PIAS1: variants seen among roughly 807,000 people sequenced by gnomAD.
PIAS1 encodes the protein protein inhibitor of activated STAT 1.
Under a neutral mutation model 71.3 loss-of-function variants are expected in PIAS1, and 6 were observed. The observed-to-expected ratio is 0.08, with a 90% CI of 0.05 to 0.17. The LOEUF is 0.17. PIAS1 is among the 10% of genes least tolerant of loss of function. PIAS1 has a pLI of 1.00. For missense variants in PIAS1, 555 were observed against 793.6 expected (o/e 0.70, Z 3.61); for synonymous variants, 303 against 292.9 (o/e 1.03, Z -0.35).
intron 7 of PIAS1, among the ~76,000 whole-genome samples, chr15:68,160,975 G>T (rs1385992302): frequency 6.6e-6 from 1 of 152,050 alleles, no homozygotes; most frequent in Non-Finnish European, 1.5e-5. Context: ...TTTTAAAAAA[G>T]AAACCAACAC....
In PIAS1 at chr15:68,187,925, GT is replaced by G; in HGVS notation, c.*93del. The G allele has an allele frequency of 2.5e-6, 3 of 1,181,890 alleles. No homozygotes were observed. The highest frequency in any genetic ancestry group is 3.6e-6 in the Non-Finnish European group (3 of 843,854). The allele number at this position is 1,181,890 out of a possible 1,614,324, so 73.2% of individuals were successfully genotyped here. ...TTTGTGCTCTGTTTTACCTTACTCT[GT>G]TTAGAAAAGTATACAAGCGTGTTTT... On this transcript the variant is annotated 3_prime_UTR_variant, in exon 14 of 14. Transcript: ENST00000249636. This position sits in a 1 kb window ranked among gnomAD's most constrained non-coding sequence, Gnocchi z 5.3.
At chr15:68,074,805 A>T (rs1384247955) in intron 1 of PIAS1, among the ~76,000 whole-genome samples, 2 of 151,526 alleles carry the variant, frequency 1.3e-5, no homozygotes, top group East Asian at 3.9e-4. Context: ...TTGTGCTTTT[A>T]AAAAAATTGC....
At position 68,185,893 on chromosome 15, in the gene PIAS1, C is replaced by T. The variant is rs753935421; in HGVS notation, c.1663-1649C>T. ...AGAAGAATCACTTGAACCTGGGAGG[C>T]GGAGGTTGCAGTGAGCCGAGATTGC... On this transcript the variant is annotated intron_variant, in intron 13 of 13. Transcript: ENST00000249636. This position sits in a 1 kb window ranked among gnomAD's most constrained non-coding sequence, Gnocchi z 4.4. Among the ~76,000 whole-genome samples, 7 of 151,934 alleles carry T rather than the reference C, an allele frequency of 4.6e-5. No individual in the cohort carries two copies. The highest frequency in any genetic ancestry group is 4.2e-4 in the South Asian group (2 of 4,806).
In PIAS1 at chr15:68,087,287, G is replaced by T. The variant is rs114198369; in HGVS notation, c.469+537G>T. Among the ~76,000 whole-genome samples the T allele has an allele frequency of 1.4e-3, 214 of 152,104 alleles. 2 individuals are homozygous for T. The highest frequency in any genetic ancestry group is 5.0e-3 in the Admixed American group (77 of 15,272). ...ATGCACATGCACACTCATGATTACGGTTATATAATATAAGTGCTTGAAATT... is the reference window on the plus strand; with the variant it reads ...ATGCACATGCACACTCATGATTACGTTTATATAATATAAGTGCTTGAAATT... On this transcript the variant is annotated intron_variant, in intron 2 of 13. Transcript: ENST00000249636.
Position 68,184,021 on chromosome 15 carries a change from T to C in PIAS1, c.1662+354T>C, listed in dbSNP as rs986858052. 1.0e-3 allele frequency: 167 copies of C among 165,662 alleles called. 1 individual carries two copies. Among genetic ancestry groups the C allele is most frequent in the African/African-American group, 3.9e-3 (163 of 41,690 alleles). 10.3% of individuals were successfully genotyped at this position (165,662 alleles called of 1,614,324 possible). A position where few individuals can be genotyped will look rare whatever the true frequency, so the allele number is the denominator to read the frequency against. ...CCTCTACTTTTTTTTTTTTTAAGTT[T>C]GCTGTAAAACAGTGTGCCATGTTAT... is the stretch of plus-strand genomic sequence containing the variant. On this transcript the variant is annotated intron_variant, in intron 13 of 13. Transcript: ENST00000249636.
At chr15:68,165,736 G>A (rs1192445204) in intron 8 of PIAS1, among the ~76,000 whole-genome samples, 1 of 152,146 alleles carries the variant, frequency 6.6e-6, no homozygotes, top group African/African-American at 2.4e-5. Flanking sequence ...CTTTGGTAGG[G>A]GTGGTGGTTG....
In PIAS1 at chr15:68,076,117, T is replaced by TTA. The variant is rs1463107144; in HGVS notation, c.25-10188_25-10187insAT. Among the ~76,000 whole-genome samples, 6 of 152,316 alleles carry TTA rather than the reference T, an allele frequency of 3.9e-5. No homozygotes were observed. The East Asian group carries it at 5.8e-4, about 15-fold the overall frequency. On this transcript the variant is annotated intron_variant, in intron 1 of 13. Transcript: ENST00000249636. ...CTTTTAGAACATTTGTGTACGTCTTTTTAAAAACTTGTTTCTGTCTAAAAC... is the reference window on the plus strand; with the variant it reads ...CTTTTAGAACATTTGTGTACGTCTTTTATTAAAAACTTGTTTCTGTCTAAAAC...
intron 2 of PIAS1, among the ~76,000 whole-genome samples, chr15:68,118,236 A>C (rs942481632): frequency 1.3e-5 from 2 of 151,920 alleles, no homozygotes; most frequent in Non-Finnish European, 2.9e-5. Context: ...CATGAGAATC[A>C]CTTGAACCTG....
rs77055194 is a variant in PIAS1, at chr15:68,178,331, C to T, written c.1481+1677C>T. Among the ~76,000 whole-genome samples the T allele has an allele frequency of 6.4e-3, 969 of 152,264 alleles. 4 individuals carry two copies. The highest frequency in any genetic ancestry group is 0.035 in the East Asian group (182 of 5,182). ...TCGGTATTTTCATTCTACAGTAGTC[C>T]ATCTTGGCATACAGACAGAAACAAA... On this transcript the variant is annotated intron_variant, in intron 11 of 13. Coordinates refer to ENST00000249636, the MANE Select transcript of PIAS1 (RefSeq NM_016166.3). The surrounding 1 kb of genome is among the most constrained non-coding windows in gnomAD (Gnocchi z 4.2).
chr15:68,119,935 C>T (rs1365971058), intron 2 of PIAS1, among the ~76,000 whole-genome samples: 1 of 152,158 alleles, frequency 6.6e-6, no homozygotes, highest in Non-Finnish European at 1.5e-5. Context: ...CTGAAATCTA[C>T]TTTCTCTGAC....
chr15:68,094,723 T>G (rs192106558), intron 2 of PIAS1, among the ~76,000 whole-genome samples: 1 of 152,256 alleles, frequency 6.6e-6, no homozygotes, highest in East Asian at 1.9e-4. Flanking sequence ...CTACTCTACT[T>G]TTAGATAATT....
chr15:68,056,877 TATC>T (rs983001062), intron 1 of PIAS1, among the ~76,000 whole-genome samples: 9 of 152,276 alleles, frequency 5.9e-5, no homozygotes, highest in South Asian at 2.1e-4. Context: ...TGGAGGTAAA[TATC>T]ATACATTCCT....
Position 68,057,587 on chromosome 15 carries a change from G to A in PIAS1, c.24+3237G>A, listed in dbSNP as rs183625509. ...TAAAAGTTACTATGAGTGTGTCAGT[G>A]AATTCTATTGTTATTTTCTGCCTCT... On this transcript the variant is annotated intron_variant, in intron 1 of 13. Transcript: ENST00000249636. 1.7e-4 allele frequency: 63 copies of A among 369,754 alleles called. 1 individual carries two copies. The East Asian group carries it at 2.7e-3, about 16-fold the overall frequency. 22.9% of individuals were successfully genotyped at this position (369,754 alleles called of 1,614,324 possible).
chr15:68,086,226 G>A lies in PIAS1; in HGVS notation c.25-80G>A. On this transcript the variant is annotated intron_variant, in intron 1 of 13. Coordinates refer to ENST00000249636, the MANE Select transcript of PIAS1 (RefSeq NM_016166.3). The surrounding 1 kb of genome is among the most constrained non-coding windows in gnomAD (Gnocchi z 7.2). ...TTTGCTTAAGTAAACCATAAGAAGGGGGTTATAATAAAGTGTCATTTAATA... is the reference window on the plus strand; with the variant it reads ...TTTGCTTAAGTAAACCATAAGAAGGAGGTTATAATAAAGTGTCATTTAATA... 1 of 930,716 alleles carries A rather than the reference G, an allele frequency of 1.1e-6. No homozygotes were observed. The allele number at this position is 930,716 out of a possible 1,614,324, so 57.7% of individuals were successfully genotyped here.
intron 7 of PIAS1, among the ~76,000 whole-genome samples, chr15:68,159,878 T>C (rs1205209386): frequency 6.6e-6 from 1 of 152,150 alleles, no homozygotes; most frequent in Non-Finnish European, 1.5e-5. Context: ...ATGATAAGTA[T>C]ATATGGAAAA....
intron 2 of PIAS1, among the ~76,000 whole-genome samples, chr15:68,100,679 T>G (rs1001601013): frequency 6.6e-6 from 1 of 152,212 alleles, no homozygotes; most frequent in African/African-American, 2.4e-5. Context: ...CCAAGGGTTA[T>G]CAGTTGCTGG....
In PIAS1 at chr15:68,183,639, TCTTTC is replaced by T. The variant is rs2093069906; in HGVS notation, c.1640_1644del (p.Pro547LeufsTer23). On this transcript the variant is annotated frameshift_variant, in exon 13 of 14. Transcript: ENST00000249636. LOFTEE classifies it high-confidence loss of function. ...ATTTTTTCTTCCACAGGATTAGATT[TCTTTC>T]CTTTCTTATCAGGAGACAATCAGGT... 1.8e-6 allele frequency: 2 copies of T among 1,124,298 alleles called. No individual in the cohort carries two copies. The highest frequency in any genetic ancestry group is 1.3e-6 in the Non-Finnish European group (1 of 769,962). 69.6% of individuals were successfully genotyped at this position (1,124,298 alleles called of 1,614,324 possible).
chr15:68,173,712 C>T lies in PIAS1; in HGVS notation c.1009-20C>T. On this transcript the variant is annotated intron_variant, in intron 8 of 13. Coordinates refer to ENST00000249636, the MANE Select transcript of PIAS1 (RefSeq NM_016166.3). The surrounding 1 kb of genome is among the most constrained non-coding windows in gnomAD (Gnocchi z 4.3). Reference sequence around the variant, plus strand: ...TTGAATAGCAATTATCTAATATTTACTTTTTCTCCCTTTTTAAAGCTTGGT... The same window carrying T: ...TTGAATAGCAATTATCTAATATTTATTTTTTCTCCCTTTTTAAAGCTTGGT... 2.0e-6 allele frequency: 3 copies of T among 1,495,432 alleles called. No individual in the cohort carries two copies. The highest frequency in any genetic ancestry group is 2.7e-6 in the Non-Finnish European group (3 of 1,110,882). 92.6% of individuals were successfully genotyped at this position (1,495,432 alleles called of 1,614,324 possible).
intron 2 of PIAS1, among the ~76,000 whole-genome samples, chr15:68,099,502 T>A (rs1212319452): frequency 6.6e-6 from 1 of 152,010 alleles, no homozygotes; most frequent in African/African-American, 2.4e-5. Context: ...TTTCTCTAAC[T>A]ATTCGAATTA....
Sources: gnomAD v4.1 joint callset for allele counts (sites outside exome capture counted in the v4.1 genomes callset) on GRCh38, gnomAD v4.1.1 for gene constraint, Gnocchi (gnomAD v3.1) non-coding constraint, MANE v1.5 for transcripts, NCBI Gene and HGNC (gene_info 2026-07-23, HGNC 2026-07-21) for gene names.